The following RPE65 variants were observed in gnomAD, a reference collection of about 807,000 sequenced individuals.
RPE65 encodes the protein retinoid isomerohydrolase.
Under a neutral mutation model 68.5 loss-of-function variants are expected in RPE65, and 58 were observed. The ratio of observed to expected loss-of-function variants is 0.85; its 90% CI spans 0.69 to 1.05. RPE65 has a LOEUF of 1.05. RPE65 is among the 50% of genes least tolerant of loss of function. The pLI, the probability that RPE65 is intolerant of heterozygous loss-of-function variation, is 0.00. For missense variants in RPE65, 643 were observed against 629.9 expected (o/e 1.02, Z -0.22); for synonymous variants, 220 against 222.2 (o/e 0.99, Z 0.09).
Position 68,449,954 on chromosome 1 carries a change from G to A in RPE65, c.-49C>T. The A allele has an allele frequency of 6.2e-7, 1 of 1,612,390 alleles. No homozygotes were observed. The highest frequency in any genetic ancestry group is 8.5e-7 in the Non-Finnish European group (1 of 1,178,596). On this transcript the variant is annotated 5_prime_UTR_variant, in exon 1 of 14. Transcript: ENST00000262340. Reference sequence around the variant, plus strand: ...GTTCTGGCACCAACTGCAGAATGAAGAAGGAAGTTCTCAGCCAGGGGCCTT... The same window carrying A: ...GTTCTGGCACCAACTGCAGAATGAAAAAGGAAGTTCTCAGCCAGGGGCCTT...
At chr1:68,433,497 A>T (rs1207546445) in intron 10 of RPE65, among the ~76,000 whole-genome samples, 1 of 152,184 alleles carries the variant, frequency 6.6e-6, no homozygotes, top group Non-Finnish European at 1.5e-5. Context: ...TGTGCTGGCA[A>T]GTCTATGGTT....
chr1:68,431,421 A>G (rs775194430), intron 11 of RPE65, 45 bp from the exon 12 acceptor site: 2 of 1,612,666 alleles, frequency 1.2e-6, no homozygotes. Context: ...AATCTCTTTG[A>G]AAGAAACATT....
In RPE65 at chr1:68,449,894, C is replaced by A; in HGVS notation, c.11+1G>T. 6.2e-7 allele frequency: 1 copy of A among 1,614,176 alleles called. No individual in the cohort carries two copies. Among genetic ancestry groups the A allele is most frequent in the South Asian group, 1.1e-5 (1 of 91,082 alleles). On this transcript the variant is annotated splice_donor_variant, in intron 1 of 13. Transcript: ENST00000262340. LOFTEE classifies it high-confidence loss of function. ...TAAAAAAGTCTCCCAGAGATACTTACTGGATAGACATTTTCTTCCAGTTCA... is the reference window on the plus strand; with the variant it reads ...TAAAAAAGTCTCCCAGAGATACTTAATGGATAGACATTTTCTTCCAGTTCA...
chr1:68,438,383 C>A, intron 9 of RPE65, 67 bp from the exon 10 acceptor site: 1 of 1,570,198 alleles, frequency 6.4e-7, no homozygotes, highest in Non-Finnish European at 8.7e-7. Flanking sequence ...ATGATTCTTG[C>A]CTTTTTAAGC....
chr1:68,443,746 T>C (rs1317678928), intron 5 of RPE65, among the ~76,000 whole-genome samples: 4 of 152,220 alleles, frequency 2.6e-5, no homozygotes, highest in African/African-American at 9.6e-5. Flanking sequence ...TTTCTCCACC[T>C]AGACATTAAG....
intron 1 of RPE65, among the ~76,000 whole-genome samples, chr1:68,449,519 G>A (rs865799388): frequency 3.3e-5 from 5 of 152,228 alleles, no homozygotes; most frequent in Middle Eastern, 3.4e-3. Flanking sequence ...AAATCTCACA[G>A]TAACATAATG....
intron 13 of RPE65, among the ~76,000 whole-genome samples, chr1:68,430,658 AC>A (rs1202746665): frequency 6.6e-6 from 1 of 152,080 alleles, no homozygotes; most frequent in African/African-American, 2.4e-5. Context: ...ACAAATGAAA[AC>A]TATTCACAGA....
At chr1:68,435,685 T>G (rs968491957) in intron 10 of RPE65, among the ~76,000 whole-genome samples, 1 of 152,234 alleles carries the variant, frequency 6.6e-6, no homozygotes, top group East Asian at 1.9e-4. Context: ...TCAGTTGTTC[T>G]GCCTCAATCC....
chr1:68,438,203 G>A lies in RPE65; in HGVS notation c.1112C>T (p.Pro371Leu), dbSNP rs770760551. The change falls in exon 10 of 14, where the codon CCT becomes CTT. Residue 371 changes from proline to leucine, a missense_variant. Coordinates refer to ENST00000262340, the MANE Select transcript of RPE65 (RefSeq NM_000329.3). ...PQPEVRRYVLPLNIDKADTGK... is the reference protein window; with the variant it reads ...PQPEVRRYVLLLNIDKADTGK... ...GCAGGTTACCTTGTCAATATTCAAA[G>A]GAAGTACATATCTCCTAACTTCAGG... is the stretch of plus-strand genomic sequence containing the variant. The A allele has an allele frequency of 3.1e-6, 5 of 1,613,914 alleles. No homozygotes were observed. Among genetic ancestry groups the A allele is most frequent in the Non-Finnish European group, 4.2e-6 (5 of 1,179,922 alleles).
chr1:68,446,600 A>G (rs1398398884), intron 3 of RPE65, 110 bp downstream of exon 3: 1 of 1,235,926 alleles, frequency 8.1e-7, no homozygotes, highest in Non-Finnish European at 1.2e-6. Flanking sequence ...GTGAGAAGAA[A>G]GTGGGTATAT....
intron 13 of RPE65, 49 bp from the exon 14 acceptor site, chr1:68,429,976 G>A: frequency 1.2e-6 from 2 of 1,604,642 alleles, no homozygotes; most frequent in Non-Finnish European, 1.7e-6. Context: ...AAAAGCCCAA[G>A]CTATAGATTG....
Position 68,440,985 on chromosome 1 carries a change from A to G in RPE65, c.511T>C (p.Tyr171His). 1 of 1,613,928 alleles carries G rather than the reference A, an allele frequency of 6.2e-7. No homozygotes were observed. ...ETIKQVDLCNYVSVNGATAHP... is the reference protein window; with the variant it reads ...ETIKQVDLCNHVSVNGATAHP... ...GCAGTGGCCCCATTGACAGAGACAT[A>G]GTTGCAAAGATCAACCTACGGAAGT... Residue 171 changes from tyrosine to histidine, a missense_variant, in exon 6 of 14, where the codon TAT becomes CAT. Coordinates refer to ENST00000262340, the MANE Select transcript of RPE65 (RefSeq NM_000329.3).
Position 68,448,511 on chromosome 1 carries a change from C to A in RPE65, c.94+113G>T, listed in dbSNP as rs1366086561. ...CTATAAAAAGCCCAAACCACCTGATCCCTCTCCCTGTGACCCACAGGGGGA... is the reference window on the plus strand; with the variant it reads ...CTATAAAAAGCCCAAACCACCTGATACCTCTCCCTGTGACCCACAGGGGGA... On this transcript the variant is annotated intron_variant, in intron 2 of 13. Coordinates refer to ENST00000262340, the MANE Select transcript of RPE65 (RefSeq NM_000329.3). 4 of 937,868 alleles carry A rather than the reference C, an allele frequency of 4.3e-6. No homozygotes were observed. The African/African-American group carries it at 4.9e-5, about 11-fold the overall frequency. 58.1% of individuals were successfully genotyped at this position (937,868 alleles called of 1,614,324 possible).
At position 68,449,801 on chromosome 1, in the gene RPE65, A is replaced by C. The variant is rs1645970098; in HGVS notation, c.11+94T>G. 3.5e-6 allele frequency: 5 copies of C among 1,437,094 alleles called. No individual in the cohort carries two copies. The Admixed American group carries it at 6.7e-5, about 19-fold the overall frequency. 89.0% of individuals were successfully genotyped at this position (1,437,094 alleles called of 1,614,324 possible). On this transcript the variant is annotated intron_variant, in intron 1 of 13. Transcript: ENST00000262340. ...TTCAAGGGTCTTTCCTAAACAGGTC[A>C]TTAATCAATGCCTTCTCTTCAGGAG...
In RPE65 at chr1:68,444,661, T is replaced by C; in HGVS notation, c.365A>G (p.Tyr122Cys). ...GTCAGTAACCTCTACTCCTCGAAAGTAAGAAAAAAACCTGTAGAAACAAAT... is the reference window on the plus strand; with the variant it reads ...GTCAGTAACCTCTACTCCTCGAAAGCAAGAAAAAAACCTGTAGAAACAAAT... ...CKNIFSRFFS[Y>C]FRGVEVTDNA... The change falls in exon 5 of 14, where the codon TAC becomes TGC. Residue 122 changes from tyrosine to cysteine, a missense_variant. Physicochemically the swap from Tyr to Cys is radical, Grantham distance 194. Coordinates refer to ENST00000262340, the MANE Select transcript of RPE65 (RefSeq NM_000329.3). 3.7e-6 allele frequency: 6 copies of C among 1,614,008 alleles called. No individual in the cohort carries two copies. Among genetic ancestry groups the C allele is most frequent in the Non-Finnish European group, 5.1e-6 (6 of 1,179,974 alleles).
chr1:68,442,806 C>T (rs915017823), intron 5 of RPE65, among the ~76,000 whole-genome samples: 1 of 152,194 alleles, frequency 6.6e-6, no homozygotes. Context: ...AGGAGCTACA[C>T]ACACACTTGT....
At chr1:68,444,156 A>G (rs1041772308) in intron 5 of RPE65, among the ~76,000 whole-genome samples, 1 of 152,052 alleles carries the variant, frequency 6.6e-6, no homozygotes, top group Non-Finnish European at 1.5e-5. Context: ...AAAGCACTTG[A>G]TAAGTATTTG....
At chr1:68,436,239 A>G (rs961484268) in intron 10 of RPE65, among the ~76,000 whole-genome samples, 1 of 152,054 alleles carries the variant, frequency 6.6e-6, no homozygotes, top group African/African-American at 2.4e-5. Context: ...GCTCAACTAC[A>G]TGTCAGTGAT....
chr1:68,449,539 C>T (rs527481626), intron 1 of RPE65, among the ~76,000 whole-genome samples: 8 of 152,210 alleles, frequency 5.3e-5, no homozygotes, highest in African/African-American at 1.7e-4. Context: ...GGAGTAAAAG[C>T]TATTGTGACA....
Sources: gnomAD v4.1 joint callset for allele counts (sites outside exome capture counted in the v4.1 genomes callset) on GRCh38, gnomAD v4.1.1 for gene constraint, MANE v1.5 for transcripts, NCBI Gene and HGNC (gene_info 2026-07-23, HGNC 2026-07-21) for gene names.